RXRA: variants seen among roughly 807,000 people sequenced by gnomAD.
The protein encoded by RXRA is retinoid X receptor alpha, also known as retinoic acid receptor RXR-alpha.
RXRA carries 5 observed loss-of-function variants against 44.5 expected under a neutral mutation model. The ratio of observed to expected loss-of-function variants is 0.11; its 90% CI spans 0.06 to 0.24. The LOEUF is 0.24. Among genes scored for constraint, RXRA ranks in the 10% least tolerant of loss-of-function variants. The pLI, the probability that RXRA is intolerant of heterozygous loss-of-function variation, is 1.00. For missense variants in RXRA, 412 were observed against 646.5 expected, an observed-to-expected ratio of 0.64 and a Z score of 3.93; for synonymous variants, 291 against 271.4, an observed-to-expected ratio of 1.07 and a Z score of -0.71.
rs1564302455 is a variant in RXRA at position 134,437,985 on chromosome 9, C to CTCCT, written c.*1371_*1372insTCCT. On this transcript the variant is annotated 3_prime_UTR_variant, in exon 10 of 10. Coordinates refer to ENST00000481739, the MANE Select transcript of RXRA (RefSeq NM_002957.6). ...GCCCAGTGCGGCCTGGCGCTCCTCC[C>CTCCT]GCAGGCTCTGCCCCCGGGCTCCGGT... The CTCCT allele has an allele frequency of 1.3e-5, 2 of 152,534 alleles. No individual in the cohort carries two copies. Among genetic ancestry groups the CTCCT allele is most frequent in the African/African-American group, 4.8e-5 (2 of 41,448 alleles). 9.4% of individuals were successfully genotyped at this position (152,534 alleles called of 1,614,324 possible).
At position 134,431,906 on chromosome 9, in the gene RXRA, G is replaced by C; in HGVS notation, c.1045G>C (p.Val349Leu). ...SAGVGAIFDR[V>L]LTELVSKMRD... is the part of the protein sequence containing the mutation. Reference sequence around the variant, plus strand: ...GGTGTCTGCCCTCCTCCTCTGCAGGGTGCTGACGGAGCTTGTGTCCAAGAT... The same window carrying C: ...GGTGTCTGCCCTCCTCCTCTGCAGGCTGCTGACGGAGCTTGTGTCCAAGAT... The change falls in exon 8 of 10, where the codon GTG (valine) becomes CTG (leucine). Residue 349 changes from valine to leucine, a missense_variant and splice_region_variant. Transcript: ENST00000481739. The C allele has an allele frequency of 6.2e-7, 1 of 1,613,242 alleles. No homozygotes were observed. Among genetic ancestry groups the C allele is most frequent in the Non-Finnish European group, 8.5e-7 (1 of 1,179,438 alleles).
chr9:134,379,632 T>C (rs865787922), intron 1 of RXRA: 1 of 985,288 alleles, frequency 1.0e-6, no homozygotes, highest in African/African-American at 1.7e-5. Context: ...ACCCTCCTGC[T>C]CCAGCCCCTC....
intron 1 of RXRA, among the ~76,000 whole-genome samples, chr9:134,383,771 T>C (rs935056257): frequency 2.0e-5 from 3 of 152,138 alleles, no homozygotes; most frequent in African/African-American, 7.2e-5. Flanking sequence ...AGGTGGGCTG[T>C]GATCCTCACT....
chr9:134,341,621 TG>T (rs1554748111), intron 1 of RXRA, among the ~76,000 whole-genome samples: 3 of 152,182 alleles, frequency 2.0e-5, no homozygotes, highest in Non-Finnish European at 2.9e-5. Context: ...TGGGCATGGG[TG>T]GCCCAGGGTT....
intron 6 of RXRA, chr9:134,423,255 C>T (rs1054778995): frequency 1.5e-5 from 15 of 985,322 alleles, no homozygotes; most frequent in East Asian, 1.1e-4. Context: ...CCTCACTGCC[C>T]GACGATGGTG....
chr9:134,414,807 T>C (rs553807937), intron 4 of RXRA, among the ~76,000 whole-genome samples: 1 of 152,336 alleles, frequency 6.6e-6, no homozygotes, highest in Admixed American at 6.5e-5. Context: ...GGCTGAGATC[T>C]GCGTGTGCGG....
Position 134,366,310 on chromosome 9 carries a change from C to A in RXRA, c.29-35322C>A, listed in dbSNP as rs1416846466. 6.6e-6 allele frequency among the ~76,000 whole-genome samples: 1 copy of A among 152,152 alleles called. No homozygotes were observed. Among genetic ancestry groups the A allele is most frequent in the African/African-American group, 2.4e-5 (1 of 41,434 alleles). On this transcript the variant is annotated intron_variant, in intron 1 of 9. Coordinates refer to ENST00000481739, the MANE Select transcript of RXRA (RefSeq NM_002957.6). The surrounding 1 kb of genome is among the most constrained non-coding windows in gnomAD (Gnocchi z 5.9). ...GCCACAGCCTCTCCCTCTGCCCACC[C>A]CCCCCATGCCTGCCCTGCCAGCAGG...
chr9:134,326,882 CG>C (rs1554746098), intron 1 of RXRA, among the ~76,000 whole-genome samples: 1 of 86,986 alleles, frequency 1.1e-5, no homozygotes, highest in Non-Finnish European at 2.5e-5. Context: ...GGGCGGGCGG[CG>C]GGGCCGGGGG....
chr9:134,348,762 A>G (rs1205885618), intron 1 of RXRA, among the ~76,000 whole-genome samples: 2 of 152,228 alleles, frequency 1.3e-5, no homozygotes, highest in African/African-American at 2.4e-5. Context: ...GTGCTGCCTC[A>G]GGCACAATGC....
chr9:134,407,395 G>A lies in RXRA; in HGVS notation c.280-754G>A, dbSNP rs999854004. ...TGGCTGGCAGGCTGCAGCGGGAAGC[G>A]CCTGTGGGTCCTCGGCGCTGACTGC... is the stretch of plus-strand genomic sequence containing the variant. On this transcript the variant is annotated intron_variant, in intron 2 of 9. Transcript: ENST00000481739. This position sits in a 1 kb window ranked among gnomAD's most constrained non-coding sequence, Gnocchi z 4.8. 6.6e-6 allele frequency among the ~76,000 whole-genome samples: 1 copy of A among 152,216 alleles called. No homozygotes were observed.
chr9:134,416,567 C>A (rs549911607), intron 4 of RXRA, among the ~76,000 whole-genome samples: 1 of 152,242 alleles, frequency 6.6e-6, no homozygotes, highest in East Asian at 1.9e-4. Flanking sequence ...TCTGGCAGGG[C>A]CCAGTGTCCT....
At chr9:134,354,807 C>T (rs1830263836) in intron 1 of RXRA, among the ~76,000 whole-genome samples, 1 of 152,254 alleles carries the variant, frequency 6.6e-6, no homozygotes, top group Admixed American at 6.5e-5. Flanking sequence ...GCTCCCCAGG[C>T]TGCAATTGTC....
intron 6 of RXRA, among the ~76,000 whole-genome samples, chr9:134,427,647 T>G (rs1831456672): frequency 6.6e-6 from 1 of 152,054 alleles, no homozygotes; most frequent in Non-Finnish European, 1.5e-5. Flanking sequence ...ATGGGGAGAA[T>G]GGGGACGGTG....
At chr9:134,380,446 C>A (rs1266173272) in intron 1 of RXRA, among the ~76,000 whole-genome samples, 1 of 152,036 alleles carries the variant, frequency 6.6e-6, no homozygotes, top group Non-Finnish European at 1.5e-5. Context: ...GAGGAGCCTC[C>A]CATGACCCAG....
intron 1 of RXRA, among the ~76,000 whole-genome samples, chr9:134,335,970 C>T (rs1332790510): frequency 1.3e-5 from 2 of 152,216 alleles, no homozygotes; most frequent in African/African-American, 2.4e-5. Context: ...TGGCTTCTCG[C>T]CCTCTCCCCA....
intron 1 of RXRA, among the ~76,000 whole-genome samples, chr9:134,375,833 A>G (rs28465650): frequency 0.37 from 55,386 of 151,362 alleles, 12,822 homozygotes; most frequent in African/African-American, 0.66. Context: ...TGGCTGGGGG[A>G]TGCTGAGATT....
chr9:134,406,213 T>C (rs1419317450), intron 2 of RXRA: 1 of 150,596 alleles, frequency 6.6e-6, no homozygotes, highest in Non-Finnish European at 1.5e-5. Flanking sequence ...CTGGGCAACA[T>C]AGTTGAGACC....
Position 134,342,539 on chromosome 9 carries a change from C to T in RXRA, c.28+15880C>T, listed in dbSNP as rs1442357206. On this transcript the variant is annotated intron_variant, in intron 1 of 9. Coordinates refer to ENST00000481739, the MANE Select transcript of RXRA (RefSeq NM_002957.6). This position sits in a 1 kb window ranked among gnomAD's most constrained non-coding sequence, Gnocchi z 4.4. ...CTGTGCGCCCTCTTCCTGCCATCAG[C>T]GGGGGGCAGTGGGTTGGTGCAGGCA... Among the ~76,000 whole-genome samples, 9 of 152,174 alleles carry T rather than the reference C, an allele frequency of 5.9e-5. No homozygotes were observed. Among genetic ancestry groups the T allele is most frequent in the Admixed American group, 3.3e-4 (5 of 15,276 alleles).
chr9:134,372,499 T>G (rs1178917492), intron 1 of RXRA, among the ~76,000 whole-genome samples: 1 of 152,114 alleles, frequency 6.6e-6, no homozygotes, highest in African/African-American at 2.4e-5. Flanking sequence ...CAGAATTGAT[T>G]TGTTATCACT....
Sources: allele counts gnomAD v4.1 joint callset (sites outside exome capture counted in the v4.1 genomes callset), GRCh38; gene constraint gnomAD v4.1.1; non-coding constraint Gnocchi (gnomAD v3.1); transcripts MANE v1.5; gene names NCBI Gene and HGNC (gene_info 2026-07-23, HGNC 2026-07-21).